Variants in EXOC4 observed in about 807,000 individuals in gnomAD.
EXOC4 encodes exocyst complex component 4, also known as SEC8-like 1.
EXOC4 carries 71 observed loss-of-function variants against 107.2 expected under a neutral mutation model. The observed-to-expected ratio is 0.66, with a 90% CI of 0.55 to 0.81. EXOC4 has a LOEUF of 0.81. Among genes scored for constraint, EXOC4 ranks in the 30% least tolerant of loss-of-function variants. The pLI is 0.00. For missense variants in EXOC4, 1,108 were observed against 1,189.6 expected, an observed-to-expected ratio of 0.93 and a Z score of 1.01; for synonymous variants, 456 against 441.2, an observed-to-expected ratio of 1.03 and a Z score of -0.42.
chr7:133,375,467 C>T (rs112200084), intron 7 of EXOC4, among the ~76,000 whole-genome samples: 8 of 151,274 alleles, frequency 5.3e-5, no homozygotes, highest in African/African-American at 1.2e-4. Flanking sequence ...AGTGAGACTC[C>T]GTCTAAACAA....
In EXOC4 at chr7:133,917,442, T is replaced by G. The variant is rs115448750; in HGVS notation, c.1872-141T>G. On this transcript the variant is annotated intron_variant, in intron 12 of 17. Transcript: ENST00000253861. The stretch of plus-strand genomic sequence containing the variant: ...TAATGTGACCTATTAATGGGTATCA[T>G]GGACTCCAACTTAGATAATGGATTA... 7.8e-4 allele frequency: 573 copies of G among 736,932 alleles called. 5 individuals carry two copies. In the African/African-American group the frequency reaches 8.8e-3, roughly 11 times the overall value. 45.6% of individuals were successfully genotyped at this position (736,932 alleles called of 1,614,324 possible). A position where few individuals can be genotyped will look rare whatever the true frequency, so the allele number is the denominator to read the frequency against.
chr7:133,919,877 G>GT (rs1172992190), intron 13 of EXOC4, among the ~76,000 whole-genome samples: 1 of 152,166 alleles, frequency 6.6e-6, no homozygotes, highest in African/African-American at 2.4e-5. Flanking sequence ...GTGGATGCAG[G>GT]TTTTTAACTC....
At position 133,528,005 on chromosome 7, in the gene EXOC4, G is replaced by T. The variant is rs372068518; in HGVS notation, c.1417+47867G>T. Among the ~76,000 whole-genome samples the T allele has an allele frequency of 1.1e-3, 170 of 152,284 alleles. 1 individual carries two copies. Among genetic ancestry groups the T allele is most frequent in the African/African-American group, 3.9e-3 (161 of 41,570 alleles). ...GGCTTGTTAAAACACAGACTGTTGG[G>T]TACCATCCTCAGATTTCTGATTCAT... On this transcript the variant is annotated intron_variant, in intron 9 of 17. Coordinates refer to ENST00000253861, the MANE Select transcript of EXOC4 (RefSeq NM_021807.4).
chr7:133,988,404 A>G (rs771711720), intron 14 of EXOC4, among the ~76,000 whole-genome samples: 3 of 152,116 alleles, frequency 2.0e-5, no homozygotes, highest in Non-Finnish European at 4.4e-5. Flanking sequence ...ATCTGTTATT[A>G]TGTTCTTTGT....
At chr7:133,279,004 G>A (rs1265496620) in intron 2 of EXOC4, among the ~76,000 whole-genome samples, 1 of 149,170 alleles carries the variant, frequency 6.7e-6, no homozygotes. Flanking sequence ...AGTGTGTGAT[G>A]TTCCCCTTCC....
chr7:133,597,579 A>C (rs1216688722), intron 9 of EXOC4, among the ~76,000 whole-genome samples: 40 of 141,654 alleles, frequency 2.8e-4, no homozygotes, highest in South Asian at 9.0e-4. Flanking sequence ...AAAAAAACCC[A>C]AAAAAAAAAC....
chr7:134,007,671 C>T lies in EXOC4; in HGVS notation c.2528-5C>T. The T allele has an allele frequency of 6.2e-7, 1 of 1,611,826 alleles. No individual in the cohort carries two copies. Among genetic ancestry groups the T allele is most frequent in the South Asian group, 1.1e-5 (1 of 90,756 alleles). On this transcript the variant is annotated splice_polypyrimidine_tract_variant and splice_region_variant and intron_variant, in intron 16 of 17. Transcript: ENST00000253861. Reference sequence around the variant, plus strand: ...TCTTTGCCCCGCACTGTGCTGACCCCTCAGGCCTGGGCCACCTGATCTCCT... The same window carrying T: ...TCTTTGCCCCGCACTGTGCTGACCCTTCAGGCCTGGGCCACCTGATCTCCT...
intron 9 of EXOC4, among the ~76,000 whole-genome samples, chr7:133,563,369 C>T (rs1307590214): frequency 6.6e-6 from 1 of 152,120 alleles, no homozygotes; most frequent in African/African-American, 2.4e-5. Context: ...AAAGCATTGA[C>T]TTTAATTGCC....
At position 133,947,225 on chromosome 7, in the gene EXOC4, G is replaced by A. The variant is rs553380549; in HGVS notation, c.2206+9156G>A. Among the ~76,000 whole-genome samples, 6 of 152,310 alleles carry A rather than the reference G, an allele frequency of 3.9e-5. 1 individual carries two copies. In the South Asian group the frequency reaches 8.3e-4, roughly 21 times the overall value. ...GATACACAGTGGGGCTCACTATGGG[G>A]TTTCTGGGCTTCCTACCATGAATCT... On this transcript the variant is annotated intron_variant, in intron 14 of 17. Coordinates refer to ENST00000253861, the MANE Select transcript of EXOC4 (RefSeq NM_021807.4).
At chr7:133,259,826 T>A (rs1795102913) in intron 1 of EXOC4, among the ~76,000 whole-genome samples, 1 of 152,204 alleles carries the variant, frequency 6.6e-6, no homozygotes, top group Admixed American at 6.5e-5. Context: ...ATATGGGATC[T>A]TACTCTATAT....
At chr7:133,602,300 A>C (rs1801827308) in intron 9 of EXOC4, among the ~76,000 whole-genome samples, 1 of 152,222 alleles carries the variant, frequency 6.6e-6, no homozygotes, top group South Asian at 2.1e-4. Context: ...TTGATTAAGC[A>C]GTGTAGTAGG....
chr7:133,816,827 G>A (rs748866924), intron 10 of EXOC4, among the ~76,000 whole-genome samples: 1 of 152,164 alleles, frequency 6.6e-6, no homozygotes, highest in Non-Finnish European at 1.5e-5. Flanking sequence ...TCTGACAGGA[G>A]GCGGAGCTCA....
At chr7:133,971,318 A>T (rs1801216123) in intron 14 of EXOC4, among the ~76,000 whole-genome samples, 1 of 127,556 alleles carries the variant, frequency 7.8e-6, no homozygotes, top group Admixed American at 8.6e-5. Context: ...TCTTATAAGA[A>T]ATGTGGGGAA....
chr7:133,506,092 A>T (rs182970305), intron 9 of EXOC4, among the ~76,000 whole-genome samples: 1 of 152,182 alleles, frequency 6.6e-6, no homozygotes, highest in Admixed American at 6.6e-5. Context: ...TTCATATTCT[A>T]TAGTGGTTAG....
chr7:133,858,967 A>G (rs1164820458), intron 11 of EXOC4, among the ~76,000 whole-genome samples: 1 of 152,038 alleles, frequency 6.6e-6, no homozygotes, highest in Admixed American at 6.6e-5. Context: ...CTTTGTTGCC[A>G]TCTTTTGTAG....
chr7:133,350,334 T>C (rs1053074058), intron 5 of EXOC4, among the ~76,000 whole-genome samples: 16 of 152,192 alleles, frequency 1.1e-4, no homozygotes, highest in Non-Finnish European at 1.5e-5. Flanking sequence ...TGATCTATTT[T>C]GAGTTAATTT....
chr7:133,612,469 G>C (rs1441371937), intron 9 of EXOC4, among the ~76,000 whole-genome samples: 1 of 152,228 alleles, frequency 6.6e-6, no homozygotes. Context: ...TCTGGGGAAA[G>C]AGTGTTGACA....
At chr7:133,859,976 A>C (rs1438083043) in intron 11 of EXOC4, among the ~76,000 whole-genome samples, 1 of 151,936 alleles carries the variant, frequency 6.6e-6, no homozygotes, top group Admixed American at 6.6e-5. Flanking sequence ...AGACTAGAAA[A>C]CTCCAACCCG....
chr7:133,899,766 T>TG (rs1420167824), intron 12 of EXOC4, among the ~76,000 whole-genome samples: 1 of 149,616 alleles, frequency 6.7e-6, no homozygotes, highest in Non-Finnish European at 1.5e-5. Context: ...TTTTTTTTTT[T>TG]TTTGAGACAG....
Sources: allele counts gnomAD v4.1 joint callset (sites outside exome capture counted in the v4.1 genomes callset), GRCh38; gene constraint gnomAD v4.1.1; transcripts MANE v1.5; gene names NCBI Gene and HGNC (gene_info 2026-07-23, HGNC 2026-07-21).